Variants in DLGAP2 observed in about 807,000 individuals in gnomAD.
DLGAP2 encodes the protein disks large-associated protein 2.
A neutral mutation model predicts 100.3 loss-of-function variants in DLGAP2; 26 were observed. The observed-to-expected ratio is 0.26, with a 90% CI of 0.19 to 0.36. The LOEUF is 0.36. DLGAP2 is among the 10% of genes least tolerant of loss of function. The pLI, the probability that DLGAP2 is intolerant of heterozygous loss-of-function variation, is 1.00. For missense variants in DLGAP2, 1,858 were observed against 1,453.2 expected, an observed-to-expected ratio of 1.28 and a Z score of -4.53; for synonymous variants, 886 against 630.1, an observed-to-expected ratio of 1.41 and a Z score of -6.08.
At chr8:1,642,005 CTGGT>C (rs1208919781) in intron 8 of DLGAP2, among the ~76,000 whole-genome samples, 7 of 41,304 alleles carry the variant, frequency 1.7e-4, no homozygotes, top group African/African-American at 1.2e-3. Context: ...CTCGACCCCG[CTGGT>C]CCTCACCTGT....
intron 2 of DLGAP2, among the ~76,000 whole-genome samples, chr8:1,208,140 G>A (rs1798032762): frequency 6.6e-6 from 1 of 152,166 alleles, no homozygotes; most frequent in Admixed American, 6.5e-5. Context: ...ATTTGCCTAA[G>A]CCAATGTCTA....
intron 3 of DLGAP2, among the ~76,000 whole-genome samples, chr8:1,275,534 C>G (rs949811141): frequency 2.0e-5 from 3 of 151,446 alleles, no homozygotes; most frequent in Admixed American, 6.6e-5. Flanking sequence ...AGAACAGCAT[C>G]ATTTTCATGC....
intron 1 of DLGAP2, among the ~76,000 whole-genome samples, chr8:769,434 G>C (rs974131331): frequency 6.6e-6 from 1 of 151,908 alleles, no homozygotes; most frequent in African/African-American, 2.4e-5. Context: ...CATTAACCCC[G>C]AATACAGGAA....
chr8:1,364,520 G>T (rs1383060411), intron 3 of DLGAP2, among the ~76,000 whole-genome samples: 1 of 150,430 alleles, frequency 6.6e-6, no homozygotes, highest in East Asian at 2.0e-4. Flanking sequence ...GTGCAGCGAA[G>T]CAGACACATT....
intron 9 of DLGAP2, 112 bp from the exon 10 acceptor site, chr8:1,669,631 G>T (rs1446104744): frequency 2.7e-6 from 2 of 753,994 alleles, no homozygotes; most frequent in Admixed American, 1.8e-5. Context: ...TGAGAGCCGG[G>T]CCCGTGCGGC....
chr8:1,678,611 A>T lies in DLGAP2; in HGVS notation c.2686A>T (p.Asn896Tyr). 1 of 1,555,036 alleles carries T rather than the reference A, an allele frequency of 6.4e-7. No homozygotes were observed. Among genetic ancestry groups the T allele is most frequent in the Admixed American group, 1.9e-5 (1 of 52,102 alleles). The change falls in exon 12 of 15, where the codon AAC becomes TAC. Residue 896 changes from asparagine (N) to tyrosine (Y), a missense_variant. Asn to Tyr is a moderately radical substitution (Grantham distance 143, BLOSUM62 -2). Transcript: ENST00000637795. Reference protein sequence around the residue: ...CKEMEREAEENDLSEEILGKI... With the variant: ...CKEMEREAEEYDLSEEILGKI... ...AGAGATGGAGAGAGAGGCGGAGGAG[A>T]ACGACCTCTCGGAGGAAAGTAAGAG... is the stretch of plus-strand genomic sequence containing the variant.
At chr8:1,483,441 A>G (rs116207465) in intron 3 of DLGAP2, among the ~76,000 whole-genome samples, 3,152 of 145,902 alleles carry the variant, frequency 0.022, 179 homozygotes, top group African/African-American at 0.082. Context: ...CTGCTGTGTA[A>G]GAGGCTCAGG....
intron 7 of DLGAP2, among the ~76,000 whole-genome samples, chr8:1,630,469 G>A (rs181199288): frequency 0.028 from 4,226 of 152,232 alleles, 87 homozygotes; most frequent in Non-Finnish European, 0.045. Flanking sequence ...TTGGGAGGCC[G>A]AGGTGGGTGG....
At chr8:1,318,778 G>GCCCCCCC (rs34614425) in intron 3 of DLGAP2, among the ~76,000 whole-genome samples, 21 of 105,568 alleles carry the variant, frequency 2.0e-4, no homozygotes, top group African/African-American at 6.0e-4. Context: ...TCAGTGATCA[G>GCCCCCCC]CCCCCCCCCC....
At chr8:1,587,607 C>G (rs1796164255) in intron 6 of DLGAP2, among the ~76,000 whole-genome samples, 1 of 152,102 alleles carries the variant, frequency 6.6e-6, no homozygotes, top group South Asian at 2.1e-4. Flanking sequence ...TCTAAATACT[C>G]AGCAATTTTG....
intron 1 of DLGAP2, among the ~76,000 whole-genome samples, chr8:896,943 G>T (rs758838849): frequency 6.6e-6 from 1 of 152,172 alleles, no homozygotes; most frequent in Non-Finnish European, 1.5e-5. Context: ...CGTGTGCTTT[G>T]TAAGAGATTT....
intron 8 of DLGAP2, among the ~76,000 whole-genome samples, chr8:1,666,950 T>G (rs2130835558): frequency 6.6e-6 from 1 of 152,218 alleles, no homozygotes; most frequent in Non-Finnish European, 1.5e-5. Flanking sequence ...TGGACATCCT[T>G]GGGGAAAACT....
intron 6 of DLGAP2, among the ~76,000 whole-genome samples, chr8:1,568,764 A>C (rs1802526798): frequency 8.9e-6 from 1 of 112,972 alleles, no homozygotes; most frequent in Non-Finnish European, 1.8e-5. Context: ...GCCACTGTCC[A>C]CTCAGCAGAC....
At chr8:878,269 C>A (rs116212758) in intron 1 of DLGAP2, among the ~76,000 whole-genome samples, 1 of 151,982 alleles carries the variant, frequency 6.6e-6, no homozygotes, top group African/African-American at 2.4e-5. Context: ...TAGGAGAATA[C>A]GGGATATAGA....
At chr8:847,532 G>A (rs574587455) in intron 1 of DLGAP2, among the ~76,000 whole-genome samples, 64 of 151,350 alleles carry the variant, frequency 4.2e-4, no homozygotes, top group African/African-American at 1.5e-3. Context: ...TTTGAGACAA[G>A]GTCTCGCTCT....
chr8:1,672,385 C>T (rs1798713413), intron 10 of DLGAP2, among the ~76,000 whole-genome samples: 1 of 152,124 alleles, frequency 6.6e-6, no homozygotes, highest in African/African-American at 2.4e-5. Flanking sequence ...ACATGTGCCA[C>T]CACGCCTAAT....
intron 2 of DLGAP2, among the ~76,000 whole-genome samples, chr8:927,601 T>C (rs1235562567): frequency 6.6e-6 from 1 of 152,134 alleles, no homozygotes; most frequent in African/African-American, 2.4e-5. Flanking sequence ...AACAATTCTG[T>C]TCTTAACAGG....
chr8:1,142,408 A>G (rs1405653682), intron 2 of DLGAP2, among the ~76,000 whole-genome samples: 2 of 152,254 alleles, frequency 1.3e-5, no homozygotes, highest in Non-Finnish European at 2.9e-5. Flanking sequence ...GAGATTTGCA[A>G]GAAAGAAGCT....
intron 3 of DLGAP2, among the ~76,000 whole-genome samples, chr8:1,459,163 C>G (rs376001061): frequency 0.056 from 3,633 of 64,356 alleles, 66 homozygotes; most frequent in East Asian, 0.1. Context: ...AGCGTGCGTC[C>G]CAGACAGGAG....
Sources: allele counts gnomAD v4.1 joint callset (sites outside exome capture counted in the v4.1 genomes callset), GRCh38; gene constraint gnomAD v4.1.1; transcripts MANE v1.5; gene names NCBI Gene and HGNC (gene_info 2026-07-23, HGNC 2026-07-21).